MMRN1: variants seen among roughly 807,000 people sequenced by gnomAD.
The protein encoded by MMRN1 is multimerin-1.
MMRN1 carries 94 observed loss-of-function variants against 100.7 expected under a neutral mutation model. The observed-to-expected ratio is 0.93, with a 90% CI of 0.79 to 1.11. MMRN1 has a LOEUF of 1.11. Among genes scored for constraint, MMRN1 ranks in the 50% least tolerant of loss-of-function variants. The pLI is 0.00. For missense variants in MMRN1, 1,606 were observed against 1,439.1 expected (o/e 1.12, Z -1.88); for synonymous variants, 575 against 505.0 (o/e 1.14, Z -1.86).
At chr4:89,914,963 G>A (rs1309650230) in intron 3 of MMRN1, among the ~76,000 whole-genome samples, 2 of 151,436 alleles carry the variant, frequency 1.3e-5, no homozygotes, top group Non-Finnish European at 3.0e-5. Context: ...ATCCTTTATA[G>A]GAAAAAGGTA....
Position 89,894,906 on chromosome 4 carries a change from A to T in MMRN1, c.-66A>T, listed in dbSNP as rs1721139086. 1 of 1,539,588 alleles carries T rather than the reference A, an allele frequency of 6.5e-7. No homozygotes were observed. Among genetic ancestry groups the T allele is most frequent in the Admixed American group, 2.0e-5 (1 of 49,920 alleles). On this transcript the variant is annotated 5_prime_UTR_variant, in exon 1 of 8. Transcript: ENST00000264790. ...TAGCAGATTCAGTGTGGAAGCAGCT[A>T]TCAAAAAGGCCATAAGGATTTTGTC...
At chr4:89,909,757 T>C (rs1721689167) in intron 2 of MMRN1, among the ~76,000 whole-genome samples, 1 of 151,472 alleles carries the variant, frequency 6.6e-6, no homozygotes, top group African/African-American at 2.4e-5. Context: ...GTTTTGAAGA[T>C]TTATTATTTT....
At chr4:89,902,421 AAT>A (rs1037875294) in intron 1 of MMRN1, among the ~76,000 whole-genome samples, 10 of 152,050 alleles carry the variant, frequency 6.6e-5, no homozygotes, top group Non-Finnish European at 1.0e-4. Flanking sequence ...TTACTTATAA[AAT>A]ATATATGTTA....
chr4:89,891,706 G>A (rs762487392), upstream of MMRN1, among the ~76,000 whole-genome samples: 1 of 151,630 alleles, frequency 6.6e-6, no homozygotes, highest in Non-Finnish European at 1.5e-5. Context: ...CCATTAAATT[G>A]AAAAAGCTCT....
intron 6 of MMRN1, among the ~76,000 whole-genome samples, chr4:89,949,607 T>A (rs548333190): frequency 5.1e-4 from 78 of 152,332 alleles, no homozygotes; most frequent in Non-Finnish European, 9.6e-4. Flanking sequence ...GTTAAAGGAA[T>A]GTTAGCCAGT....
At chr4:89,893,950 C>A (rs189557284), upstream of MMRN1, among the ~76,000 whole-genome samples, 90 of 152,176 alleles carry the variant, frequency 5.9e-4, no homozygotes, top group African/African-American at 2.0e-3. Flanking sequence ...AACATCTCTA[C>A]CAGAAAAAAA....
intron 4 of MMRN1, among the ~76,000 whole-genome samples, chr4:89,924,615 C>T (rs1055420333): frequency 5.9e-5 from 9 of 151,524 alleles, no homozygotes; most frequent in East Asian, 5.8e-4. Context: ...GAGGCCGAGG[C>T]GGGTGGATCA....
chr4:89,938,482 T>TATATATATATATATATATATTTAAA (rs1722718736), intron 6 of MMRN1, among the ~76,000 whole-genome samples: 1 of 34,808 alleles, frequency 2.9e-5, no homozygotes, highest in Non-Finnish European at 5.9e-5. Flanking sequence ...TAAACATATA[T>TATATATATATATATATATATTTAAA]ATATATATAT....
At chr4:89,928,297 C>T (rs769558061) in intron 5 of MMRN1, among the ~76,000 whole-genome samples, 17 of 151,904 alleles carry the variant, frequency 1.1e-4, no homozygotes, top group African/African-American at 3.6e-4. Context: ...AGAATAAAAA[C>T]GCAGTTAGGG....
Position 89,915,778 on chromosome 4 carries a change from A to T in MMRN1, c.850+3728A>T, listed in dbSNP as rs948771977. ...CAACTTAAAAAATATATTGCATTTTAAAAAAATCTGAAATGCACAAACATC... is the reference window on the plus strand; with the variant it reads ...CAACTTAAAAAATATATTGCATTTTTAAAAAATCTGAAATGCACAAACATC... On this transcript the variant is annotated intron_variant, in intron 3 of 7. Transcript: ENST00000264790. Among the ~76,000 whole-genome samples, 12 of 151,524 alleles carry T rather than the reference A, an allele frequency of 7.9e-5. 1 individual carries two copies. Among genetic ancestry groups the T allele is most frequent in the Admixed American group, 2.7e-4 (4 of 15,034 alleles).
At chr4:89,952,270 T>C (rs3822098) in intron 7 of MMRN1, among the ~76,000 whole-genome samples, 44,404 of 152,080 alleles carry the variant, frequency 0.29, 7,901 homozygotes, top group Non-Finnish European at 0.4. Flanking sequence ...GGCTTTTTTA[T>C]TTATTTAAAT....
rs756904151 is a variant in MMRN1, at chr4:89,894,993, G to A, written c.22G>A (p.Val8Ile). 1.2e-6 allele frequency: 2 copies of A among 1,611,900 alleles called. No individual in the cohort carries two copies. Among genetic ancestry groups the A allele is most frequent in the Admixed American group, 3.3e-5 (2 of 59,838 alleles). The change falls in exon 1 of 8, where the codon GTC becomes ATC. Residue 8 changes from valine to isoleucine, a missense_variant. Coordinates refer to ENST00000264790, the MANE Select transcript of MMRN1 (RefSeq NM_007351.3). MKGARLF[V>I]LLSSLWSGGI... Reference sequence around the variant, plus strand: ...TGAGATGAAGGGGGCAAGATTATTTGTCCTTCTTTCTAGTTTATGGAGTGG... The same window carrying A: ...TGAGATGAAGGGGGCAAGATTATTTATCCTTCTTTCTAGTTTATGGAGTGG...
At chr4:89,922,185 A>G (rs1167087972) in intron 3 of MMRN1, among the ~76,000 whole-genome samples, 2 of 151,868 alleles carry the variant, frequency 1.3e-5, no homozygotes, top group African/African-American at 4.8e-5. Flanking sequence ...GCTCACTGCA[A>G]CCTCCGCCTC....
At chr4:89,897,018 G>T (rs562620632) in intron 1 of MMRN1, among the ~76,000 whole-genome samples, 3 of 151,972 alleles carry the variant, frequency 2.0e-5, no homozygotes, top group African/African-American at 7.2e-5. Context: ...CACTTTGGGG[G>T]ACAACAGGAT....
At chr4:89,883,722 G>T (rs530813979) in intron 1 of MMRN1, among the ~76,000 whole-genome samples, 1 of 152,050 alleles carries the variant, frequency 6.6e-6, no homozygotes, top group Middle Eastern at 3.4e-3. Flanking sequence ...TATGTCCTTT[G>T]ATAAACTAAA....
chr4:89,942,018 G>C (rs1029640308), intron 6 of MMRN1, among the ~76,000 whole-genome samples: 2 of 152,046 alleles, frequency 1.3e-5, no homozygotes, highest in African/African-American at 4.8e-5. Context: ...CTGTCACCTT[G>C]TCCTCAATAA....
chr4:89,936,731 A>C lies in MMRN1; in HGVS notation c.3051A>C (p.Pro1017=). Residue 1017 remains proline, a synonymous_variant, in exon 6 of 8, where the codon CCA becomes CCC. Transcript: ENST00000264790. Reference sequence around the variant, plus strand: ...AGAAAATTAACGCACTTAAGAAACCAACGGTAAATCTTACCACAGTCCTGA... The same window carrying C: ...AGAAAATTAACGCACTTAAGAAACCCACGGTAAATCTTACCACAGTCCTGA... ...LPKKINALKK[P]TVNLTTVLIG... 1 of 1,613,268 alleles carries C rather than the reference A, an allele frequency of 6.2e-7. No individual in the cohort carries two copies. Among genetic ancestry groups the C allele is most frequent in the Non-Finnish European group, 8.5e-7 (1 of 1,179,550 alleles).
At position 89,906,247 on chromosome 4, in the gene MMRN1, T is replaced by A. The variant is rs1023646757; in HGVS notation, c.624-3029T>A. The stretch of plus-strand genomic sequence containing the variant: ...CTTCTCTTAGTTCATTATCCACAAG[T>A]CTTTGAGTTTTATGAATCATAATAG... On this transcript the variant is annotated intron_variant, in intron 1 of 7. Coordinates refer to ENST00000264790, the MANE Select transcript of MMRN1 (RefSeq NM_007351.3). Among the ~76,000 whole-genome samples, 3 of 151,550 alleles carry A rather than the reference T, an allele frequency of 2.0e-5. No individual in the cohort carries two copies. The Admixed American group carries it at 2.0e-4, about 10-fold the overall frequency.
chr4:89,922,608 T>A (rs1722124838), intron 3 of MMRN1, among the ~76,000 whole-genome samples: 1 of 152,216 alleles, frequency 6.6e-6, no homozygotes, highest in Admixed American at 6.5e-5. Context: ...CCAGTTGATT[T>A]GCTTGAAATG....
Sources: allele counts gnomAD v4.1 joint callset (sites outside exome capture counted in the v4.1 genomes callset), GRCh38; gene constraint gnomAD v4.1.1; transcripts MANE v1.5; gene names NCBI Gene and HGNC (gene_info 2026-07-23, HGNC 2026-07-21).